Variants in ZW10 observed in about 807,000 individuals in gnomAD.
ZW10 encodes zw10 kinetochore protein.
Under a neutral mutation model 87.8 loss-of-function variants are expected in ZW10, and 53 were observed. The observed-to-expected ratio is 0.60, with a 90% CI of 0.48 to 0.76. The LOEUF (loss-of-function observed/expected upper bound fraction) is 0.76. ZW10 is among the 30% of genes least tolerant of loss of function. The pLI is 0.00. For missense variants in ZW10, 837 were observed against 923.0 expected (o/e 0.91, Z 1.21); for synonymous variants, 312 against 329.2 (o/e 0.95, Z 0.57).
At chr11:113,746,696 CAT>C (rs1243005906) in intron 9 of ZW10, among the ~76,000 whole-genome samples, 3 of 152,040 alleles carry the variant, frequency 2.0e-5, no homozygotes, top group Non-Finnish European at 4.4e-5. Context: ...AAAAGCAAAT[CAT>C]GTGATCTGCG....
intron 6 of ZW10, 47 bp downstream of exon 6, chr11:113,758,507 G>C (rs575347832): frequency 6.3e-7 from 1 of 1,581,558 alleles, no homozygotes; most frequent in African/African-American, 1.4e-5. Flanking sequence ...CTTTAATACT[G>C]GGCCTCAGGA....
intron 7 of ZW10, among the ~76,000 whole-genome samples, chr11:113,753,808 A>G (rs1409713737): frequency 6.6e-6 from 1 of 152,226 alleles, no homozygotes; most frequent in African/African-American, 2.4e-5. Context: ...ACGCTCTTCA[A>G]TTCTATGAAG....
At chr11:113,767,582 A>G (rs1303554331) in intron 2 of ZW10, among the ~76,000 whole-genome samples, 1 of 151,984 alleles carries the variant, frequency 6.6e-6, no homozygotes, top group East Asian at 1.9e-4. Context: ...GAACATTTTA[A>G]CTGCCTTCTC....
chr11:113,753,324 G>A (rs570366544), intron 7 of ZW10, among the ~76,000 whole-genome samples: 1 of 152,324 alleles, frequency 6.6e-6, no homozygotes, highest in South Asian at 2.1e-4. Flanking sequence ...TGAAGGAAAT[G>A]AAAAGTGTAT....
intron 15 of ZW10, among the ~76,000 whole-genome samples, chr11:113,735,842 T>C (rs1453785856): frequency 2.0e-5 from 3 of 152,248 alleles, no homozygotes; most frequent in South Asian, 2.1e-4. Context: ...TCTAGGTATA[T>C]GGTGCTTAAC....
Position 113,738,407 on chromosome 11 carries a change from A to C in ZW10, c.1754-13T>G. On this transcript the variant is annotated splice_polypyrimidine_tract_variant and intron_variant, in intron 12 of 15. Coordinates refer to ENST00000200135, the MANE Select transcript of ZW10 (RefSeq NM_004724.4). ...AAGCATTCTGTCCCTATGATGGAAA[A>C]ACAGAATAAAAAATTTTAAAAGCTG... 1 of 1,604,304 alleles carries C rather than the reference A, an allele frequency of 6.2e-7. No individual in the cohort carries two copies. The highest frequency in any genetic ancestry group is 8.5e-7 in the Non-Finnish European group (1 of 1,177,502).
intron 7 of ZW10, among the ~76,000 whole-genome samples, chr11:113,752,743 T>C (rs1953746715): frequency 1.3e-5 from 2 of 152,178 alleles, no homozygotes; most frequent in Non-Finnish European, 2.9e-5. Context: ...CATGTCTCTA[T>C]CTCCTAGGGT....
intron 1 of ZW10, chr11:113,770,527 A>C (rs1027050212): frequency 1.3e-5 from 2 of 151,958 alleles, no homozygotes; most frequent in African/African-American, 4.8e-5. Flanking sequence ...TGTTTAAAGA[A>C]ATGATGCATC....
intron 11 of ZW10, among the ~76,000 whole-genome samples, chr11:113,739,820 G>A (rs1953595239): frequency 1.3e-5 from 2 of 152,168 alleles, no homozygotes; most frequent in Admixed American, 6.5e-5. Context: ...GACTAGATTA[G>A]AGTCACCTGG....
At chr11:113,741,655 T>C (rs749958962) in intron 11 of ZW10, 39 bp downstream of exon 11, 2 of 1,355,964 alleles carry the variant, frequency 1.5e-6, no homozygotes, top group Non-Finnish European at 2.0e-6. Context: ...ATCTTAGACA[T>C]ACAATTATTA....
At chr11:113,735,354 G>A (rs1299319187) in intron 15 of ZW10, among the ~76,000 whole-genome samples, 5 of 151,878 alleles carry the variant, frequency 3.3e-5, no homozygotes, top group Non-Finnish European at 5.9e-5. Context: ...ACTTAAAGGT[G>A]TCTTTGTTAC....
chr11:113,748,258 T>A lies in ZW10; in HGVS notation c.1088A>T (p.Glu363Val), dbSNP rs1953701093. 3 of 1,608,910 alleles carry A rather than the reference T, an allele frequency of 1.9e-6. No individual in the cohort carries two copies. The East Asian group carries it at 6.7e-5, about 36-fold the overall frequency. ...TTCTGTGCTGTCTGGGCTCTTTACC[T>A]CTTCATATTGCTGTAATTTGCTGCT... ...TNSSKLQQYE[E>V]IIQSTEEFEN... The change falls in exon 8 of 16, where the codon GAG (glutamate) becomes GTG (valine). Residue 363 changes from glutamate to valine, a missense_variant and splice_region_variant. Physicochemically the swap from Glu to Val is moderately radical, Grantham distance 121. Coordinates refer to ENST00000200135, the MANE Select transcript of ZW10 (RefSeq NM_004724.4).
At chr11:113,738,515 G>C in intron 12 of ZW10, 121 bp from the exon 13 acceptor site, 1 of 940,628 alleles carries the variant, frequency 1.1e-6, no homozygotes, top group Non-Finnish European at 1.5e-6. Flanking sequence ...ATAATTGCTA[G>C]ATAATATCAT....
intron 9 of ZW10, among the ~76,000 whole-genome samples, chr11:113,744,665 T>C (rs1401085991): frequency 2.0e-5 from 3 of 152,098 alleles, no homozygotes; most frequent in Admixed American, 1.3e-4. Flanking sequence ...CATAGCTCAC[T>C]GTAGCCTCAA....
intron 7 of ZW10, among the ~76,000 whole-genome samples, chr11:113,750,759 A>C (rs1431246671): frequency 6.6e-6 from 1 of 152,200 alleles, no homozygotes; most frequent in Non-Finnish European, 1.5e-5. Context: ...TTTTAACAGG[A>C]CCTGAACTTC....
chr11:113,760,404 T>A, intron 4 of ZW10, 36 bp from the exon 5 acceptor site: 3 of 1,611,190 alleles, frequency 1.9e-6, no homozygotes, highest in Non-Finnish European at 2.5e-6. Flanking sequence ...AAACATTCCA[T>A]CTGGACTCAG....
At chr11:113,741,435 TAGC>T (rs1953617589) in intron 11 of ZW10, among the ~76,000 whole-genome samples, 1 of 152,342 alleles carries the variant, frequency 6.6e-6, no homozygotes, top group Admixed American at 6.5e-5. Flanking sequence ...TGAAAATGCT[TAGC>T]AGCAAAACAA....
At chr11:113,744,316 G>A (rs983405658) in intron 9 of ZW10, among the ~76,000 whole-genome samples, 3 of 152,074 alleles carry the variant, frequency 2.0e-5, no homozygotes, top group Non-Finnish European at 4.4e-5. Flanking sequence ...AAACCCGGGA[G>A]GCGGAGCTTG....
At chr11:113,744,556 A>C (rs1268460603) in intron 9 of ZW10, among the ~76,000 whole-genome samples, 1 of 152,142 alleles carries the variant, frequency 6.6e-6, no homozygotes, top group African/African-American at 2.4e-5. Context: ...ATAAGTGATA[A>C]ACAATTCCCT....
Sources: allele counts gnomAD v4.1 joint callset (sites outside exome capture counted in the v4.1 genomes callset), GRCh38; gene constraint gnomAD v4.1.1; transcripts MANE v1.5; gene names NCBI Gene and HGNC (gene_info 2026-07-23, HGNC 2026-07-21).